Variants in MKLN1 observed in about 807,000 individuals in gnomAD.
The protein encoded by MKLN1 is muskelin.
Under a neutral mutation model 99.0 loss-of-function variants are expected in MKLN1, and 18 were observed. That is an observed-to-expected ratio of 0.18 (90% confidence interval 0.13 to 0.27). The LOEUF (loss-of-function observed/expected upper bound fraction) is 0.27, where lower values mean the gene tolerates loss of function less well. MKLN1 is among the 10% of genes least tolerant of loss of function. The pLI is 1.00. For synonymous variants in MKLN1, 288 were observed against 293.2 expected, an observed-to-expected ratio of 0.98 and a Z score of 0.18; for missense variants, 621 against 875.9, an observed-to-expected ratio of 0.71 and a Z score of 3.67.
intron 3 of MKLN1, among the ~76,000 whole-genome samples, chr7:131,229,319 C>T (rs891216530): frequency 6.6e-6 from 1 of 152,012 alleles, no homozygotes; most frequent in African/African-American, 2.4e-5. Flanking sequence ...TCTAGCCCCC[C>T]ACCTGCCCAC....
chr7:131,376,375 G>C (rs1250597603), intron 2 of MKLN1, among the ~76,000 whole-genome samples: 1 of 149,168 alleles, frequency 6.7e-6, no homozygotes, highest in Non-Finnish European at 1.5e-5. Context: ...TGGGCGCGGT[G>C]GCTCATGCGT....
intron 1 of MKLN1, among the ~76,000 whole-genome samples, chr7:131,331,131 T>C (rs1799061478): frequency 6.6e-6 from 1 of 152,198 alleles, no homozygotes; most frequent in Admixed American, 6.5e-5. Flanking sequence ...TGCAAGATGC[T>C]TTTTGTATAC....
intron 2 of MKLN1, among the ~76,000 whole-genome samples, chr7:131,152,380 A>G (rs1170781154): frequency 6.6e-6 from 1 of 152,168 alleles, no homozygotes; most frequent in Non-Finnish European, 1.5e-5. Flanking sequence ...AAACATAACC[A>G]TTATCATATC....
Position 131,164,039 on chromosome 7 carries a change from C to T in MKLN1, c.-297+21098C>T, listed in dbSNP as rs187247404. On this transcript the variant is annotated intron_variant, in intron 2 of 7. Coordinates refer to the MKLN1 transcript ENST00000416992. Reference sequence around the variant, plus strand: ...GGCCTCGTTCCCAAATGTTTAAACCCTCTCATATTATTAGGGGCTAAAAAT... The same window carrying T: ...GGCCTCGTTCCCAAATGTTTAAACCTTCTCATATTATTAGGGGCTAAAAAT... Among the ~76,000 whole-genome samples, 61 of 152,286 alleles carry T rather than the reference C, an allele frequency of 4.0e-4. 1 individual carries two copies. The East Asian group carries it at 0.011, about 28-fold the overall frequency.
At chr7:131,476,037 G>C (rs1378863218) in intron 16 of MKLN1, among the ~76,000 whole-genome samples, 1 of 152,130 alleles carries the variant, frequency 6.6e-6, no homozygotes, top group African/African-American at 2.4e-5. Flanking sequence ...CATGTTAACA[G>C]AATGAAGGAG....
intron 9 of MKLN1, among the ~76,000 whole-genome samples, chr7:131,433,905 C>G (rs1162796860): frequency 2.2e-5 from 3 of 137,056 alleles, no homozygotes; most frequent in Non-Finnish European, 4.6e-5. Context: ...TTTTTTGAGA[C>G]AGAGTTTTGC....
chr7:131,225,036 G>A (rs1039670519), intron 3 of MKLN1, among the ~76,000 whole-genome samples: 1 of 150,328 alleles, frequency 6.7e-6, no homozygotes, highest in Non-Finnish European at 1.5e-5. Flanking sequence ...TCGTGCCACT[G>A]CAGTCCAGGC....
chr7:131,384,775 T>C (rs2116875685), intron 2 of MKLN1, among the ~76,000 whole-genome samples: 1 of 152,294 alleles, frequency 6.6e-6, no homozygotes, highest in Non-Finnish European at 1.5e-5. Flanking sequence ...AGCTAATGCA[T>C]GTAAAAGTCT....
chr7:131,434,284 G>A (rs1795613811), intron 9 of MKLN1, among the ~76,000 whole-genome samples: 1 of 152,074 alleles, frequency 6.6e-6, no homozygotes, highest in Non-Finnish European at 1.5e-5. Flanking sequence ...ACTCTTAAGA[G>A]TTTTCAGTTT....
chr7:131,125,078 C>T (rs1795432762), intron 1 of MKLN1, among the ~76,000 whole-genome samples: 1 of 152,222 alleles, frequency 6.6e-6, no homozygotes, highest in Admixed American at 6.5e-5. Context: ...ATGCAGTCAA[C>T]TACTCCTAGC....
chr7:131,350,963 A>G (rs1038624053), intron 1 of MKLN1, among the ~76,000 whole-genome samples: 2 of 152,262 alleles, frequency 1.3e-5, no homozygotes, highest in African/African-American at 4.8e-5. Flanking sequence ...TTTAATTACA[A>G]TTAATACCTA....
intron 1 of MKLN1, among the ~76,000 whole-genome samples, chr7:131,355,318 A>AG (rs969549020): frequency 6.6e-6 from 1 of 152,104 alleles, no homozygotes; most frequent in Non-Finnish European, 1.5e-5. Context: ...GTATGGTCAT[A>AG]GGGAAACCTG....
intron 6 of MKLN1, among the ~76,000 whole-genome samples, chr7:131,411,068 T>C (rs908504171): frequency 6.6e-5 from 10 of 152,200 alleles, no homozygotes; most frequent in African/African-American, 2.4e-4. Flanking sequence ...GTACGTTTAA[T>C]ATGAGCTTCC....
chr7:131,456,018 C>A (rs1796325848), intron 12 of MKLN1, among the ~76,000 whole-genome samples: 1 of 150,420 alleles, frequency 6.6e-6, no homozygotes, highest in Non-Finnish European at 1.5e-5. Flanking sequence ...TGCATTCCAG[C>A]CTGAGTGACA....
chr7:131,198,015 C>G (rs1346910208), intron 2 of MKLN1, among the ~76,000 whole-genome samples: 1 of 152,046 alleles, frequency 6.6e-6, no homozygotes, highest in African/African-American at 2.4e-5. Context: ...TAAAAAGCAG[C>G]TATTTTAAAA....
Position 131,162,876 on chromosome 7 carries a change from A to G in MKLN1, c.-297+19935A>G, listed in dbSNP as rs7795373. 3.3e-3 allele frequency among the ~76,000 whole-genome samples: 509 copies of G among 152,284 alleles called. 5 individuals are homozygous for G. Among genetic ancestry groups the G allele is most frequent in the African/African-American group, 0.012 (486 of 41,548 alleles). On this transcript the variant is annotated intron_variant, in intron 2 of 7. Coordinates refer to the MKLN1 transcript ENST00000416992. ...TATAGCACTAAAATTAATTTTGCCTATTTCTTTTTACTTTTCTTAATGGGC... is the reference window on the plus strand; with the variant it reads ...TATAGCACTAAAATTAATTTTGCCTGTTTCTTTTTACTTTTCTTAATGGGC...
chr7:131,263,805 C>T (rs1045177761), intron 3 of MKLN1, among the ~76,000 whole-genome samples: 4 of 152,052 alleles, frequency 2.6e-5, no homozygotes, highest in East Asian at 3.9e-4. Context: ...CCTGACCTCA[C>T]GTGATCCACC....
intron 6 of MKLN1, among the ~76,000 whole-genome samples, chr7:131,404,115 G>T (rs1298793861): frequency 1.3e-5 from 2 of 152,128 alleles, no homozygotes; most frequent in Non-Finnish European, 2.9e-5. Context: ...ACCTTTTTAT[G>T]AAGTATTTTT....
intron 4 of MKLN1, among the ~76,000 whole-genome samples, chr7:131,390,426 G>GC (rs955155344): frequency 1.3e-5 from 2 of 151,992 alleles, no homozygotes; most frequent in Non-Finnish European, 2.9e-5. Context: ...ATTTTATGTT[G>GC]CAAGTATACA....
Sources: gnomAD v4.1 joint callset for allele counts (sites outside exome capture counted in the v4.1 genomes callset) on GRCh38, gnomAD v4.1.1 for gene constraint, MANE v1.5 for transcripts, NCBI Gene and HGNC (gene_info 2026-07-23, HGNC 2026-07-21) for gene names.